The following SLC66A3 variants were observed in gnomAD, a reference collection of about 807,000 sequenced individuals.
The protein encoded by SLC66A3 is PQ loop repeat containing 3.
Under a neutral mutation model 25.5 loss-of-function variants are expected in SLC66A3, and 23 were observed. The ratio of observed to expected loss-of-function variants is 0.90; its 90% CI spans 0.65 to 1.28. The LOEUF (loss-of-function observed/expected upper bound fraction) is 1.28, where lower values mean the gene tolerates loss of function less well. Ranked by LOEUF, SLC66A3 falls within the 50% of genes most tolerant of loss-of-function variation. The pLI, the probability that SLC66A3 is intolerant of heterozygous loss-of-function variation, is 0.00. For synonymous variants in SLC66A3, 108 were observed against 112.6 expected, an observed-to-expected ratio of 0.96 and a Z score of 0.26; for missense variants, 246 against 262.1, an observed-to-expected ratio of 0.94 and a Z score of 0.42.
chr2:11,157,880 T>C (rs914300334), intron 1 of SLC66A3, among the ~76,000 whole-genome samples: 11 of 152,146 alleles, frequency 7.2e-5, no homozygotes, highest in African/African-American at 2.7e-4. Context: ...TCTGCTGGGC[T>C]CTGCCTCCCT....
At chr2:11,170,045 A>G (rs1417406155) in intron 4 of SLC66A3, among the ~76,000 whole-genome samples, 1 of 151,742 alleles carries the variant, frequency 6.6e-6, no homozygotes, top group Non-Finnish European at 1.5e-5. Flanking sequence ...CACCATGTTG[A>G]CCAGGACGGT....
At position 11,177,893 on chromosome 2, in the gene SLC66A3, T is replaced by C. The variant is rs1662821525; in HGVS notation, c.*65T>C. 4.0e-6 allele frequency: 4 copies of C among 992,314 alleles called. No homozygotes were observed. In the South Asian group the frequency reaches 5.7e-5, roughly 14 times the overall value. The allele number at this position is 992,314 out of a possible 1,614,324, so 61.5% of individuals were successfully genotyped here. ...TGAACCAAAGGAAAAAGAAGCTCTT[T>C]GCTAAATTAAGGTCTTTTATAAATT... On this transcript the variant is annotated 3_prime_UTR_variant, in exon 7 of 7. Transcript: ENST00000295083.
chr2:11,160,165 C>T (rs1003139418), intron 1 of SLC66A3: 8 of 457,796 alleles, frequency 1.7e-5, no homozygotes, highest in Non-Finnish European at 2.8e-5. Flanking sequence ...GTCTCATATT[C>T]TTGCTCAGGG....
intron 4 of SLC66A3, among the ~76,000 whole-genome samples, chr2:11,165,687 C>T (rs1009822675): frequency 9.2e-5 from 14 of 152,182 alleles, no homozygotes; most frequent in Non-Finnish European, 8.8e-5. Context: ...CAGGTTGTAG[C>T]GAGCCGAGAT....
Position 11,177,754 on chromosome 2 carries a change from A to G in SLC66A3, c.535A>G (p.Ile179Val). 3 of 1,609,530 alleles carry G rather than the reference A, an allele frequency of 1.9e-6. No homozygotes were observed. Among genetic ancestry groups the G allele is most frequent in the Non-Finnish European group, 2.5e-6 (3 of 1,177,716 alleles). ...TATTTCAGTTCTTCTACGTTTTGTG[A>G]TCATGCTGGCTTTAAATATATGGGT... is the stretch of plus-strand genomic sequence containing the variant. ...NDFTILLRFV[I>V]MLALNIWVTV... Residue 179 changes from isoleucine (I) to valine (V), a missense_variant, in exon 7 of 7, where the codon ATC becomes GTC. By Grantham distance (29) the Ile-to-Val change is conservative. Coordinates refer to ENST00000295083, the MANE Select transcript of SLC66A3 (RefSeq NM_152391.5).
At position 11,160,792 on chromosome 2, in the gene SLC66A3, T is replaced by C. The variant is rs566660562; in HGVS notation, c.296+98T>C. The C allele has an allele frequency of 4.2e-4, 638 of 1,504,256 alleles. 5 individuals are homozygous for C. In the South Asian group the frequency reaches 6.9e-3, roughly 16 times the overall value. The allele number at this position is 1,504,256 out of a possible 1,614,324, so 93.2% of individuals were successfully genotyped here. ...GCTCCTTTACCAGATGTGTATTTTT[T>C]GGTTAAACTAAAAAAAAAAAAAAAA... is the stretch of plus-strand genomic sequence containing the variant. On this transcript the variant is annotated intron_variant, in intron 3 of 6. Transcript: ENST00000295083.
intron 3 of SLC66A3, 150 bp downstream of exon 3, chr2:11,160,844 G>A (rs891304209): frequency 1.6e-6 from 2 of 1,282,868 alleles, no homozygotes; most frequent in African/African-American, 1.5e-5. Flanking sequence ...ACGTGTCCAT[G>A]TACACCAGAG....
intron 4 of SLC66A3, among the ~76,000 whole-genome samples, chr2:11,165,956 G>A (rs2147992546): frequency 6.6e-6 from 1 of 152,368 alleles, no homozygotes; most frequent in South Asian, 2.1e-4. Context: ...AGTGAGCCGA[G>A]ATGGCGGCAG....
At chr2:11,163,206 A>G (rs1306149781) in intron 3 of SLC66A3, among the ~76,000 whole-genome samples, 1 of 152,168 alleles carries the variant, frequency 6.6e-6, no homozygotes, top group Admixed American at 6.5e-5. Context: ...TTATTTGTGA[A>G]ATCTGGCAAC....
chr2:11,166,605 A>G (rs1349900247), intron 4 of SLC66A3, among the ~76,000 whole-genome samples: 2 of 152,152 alleles, frequency 1.3e-5, no homozygotes, highest in Admixed American at 1.3e-4. Flanking sequence ...AAAATACTGC[A>G]TGGGTCGAGG....
At chr2:11,168,927 G>A (rs112767377) in intron 4 of SLC66A3, among the ~76,000 whole-genome samples, 7,317 of 151,076 alleles carry the variant, frequency 0.048, 571 homozygotes, top group African/African-American at 0.17. Context: ...GTGTGATCTC[G>A]GCTCACTGCA....
intron 3 of SLC66A3, 30 bp from the exon 4 acceptor site, chr2:11,164,174 C>T (rs1408476598): frequency 1.4e-6 from 2 of 1,466,424 alleles, no homozygotes; most frequent in Admixed American, 3.8e-5. Context: ...TGTGGGTGAC[C>T]CACTGCTGTG....
rs1360603357 is a variant in SLC66A3 at position 11,160,804 on chromosome 2, A to T, written c.296+110A>T. On this transcript the variant is annotated intron_variant, in intron 3 of 6. Coordinates refer to ENST00000295083, the MANE Select transcript of SLC66A3 (RefSeq NM_152391.5). The stretch of plus-strand genomic sequence containing the variant: ...GATGTGTATTTTTTGGTTAAACTAA[A>T]AAAAAAAAAAAAAAAAATCCCAAAT... The T allele has an allele frequency of 8.3e-4, 167 of 201,554 alleles. No individual in the cohort carries two copies. The African/African-American group carries it at 0.01, about 13-fold the overall frequency. 12.5% of individuals were successfully genotyped at this position (201,554 alleles called of 1,614,324 possible). A position where few individuals can be genotyped will look rare whatever the true frequency, so the allele number is the denominator to read the frequency against.
intron 1 of SLC66A3, among the ~76,000 whole-genome samples, chr2:11,159,790 T>G (rs1185275363): frequency 6.6e-6 from 1 of 151,870 alleles, no homozygotes; most frequent in Non-Finnish European, 1.5e-5. Context: ...GATGGCTGGG[T>G]GTGAGGGGGA....
At chr2:11,174,121 C>T (rs985256500) in intron 5 of SLC66A3, among the ~76,000 whole-genome samples, 2 of 152,054 alleles carry the variant, frequency 1.3e-5, no homozygotes, top group Non-Finnish European at 2.9e-5. Context: ...CCACACCCAG[C>T]TAATTTTTGT....
chr2:11,155,768 C>G (rs1056269339), intron 1 of SLC66A3, 79 bp downstream of exon 1: 1 of 1,253,652 alleles, frequency 8.0e-7, no homozygotes, highest in Non-Finnish European at 1.0e-6. Context: ...AGCCTCGGCT[C>G]GAAGTAGGGC....
At chr2:11,160,594 TC>T in intron 2 of SLC66A3, 30 bp from the exon 3 acceptor site, 6 of 1,613,990 alleles carry the variant, frequency 3.7e-6, no homozygotes, top group Non-Finnish European at 5.1e-6. Context: ...GGTCTCCCCT[TC>T]CCCCCTCACT....
At chr2:11,165,391 C>T (rs1440530624) in intron 4 of SLC66A3, among the ~76,000 whole-genome samples, 11 of 145,420 alleles carry the variant, frequency 7.6e-5, no homozygotes, top group Admixed American at 2.8e-4. Context: ...GGATGGTGGC[C>T]GGGAAGAGGT....
chr2:11,165,286 G>C (rs969922129), intron 4 of SLC66A3, among the ~76,000 whole-genome samples: 1 of 137,494 alleles, frequency 7.3e-6, no homozygotes, highest in African/African-American at 3.0e-5. Context: ...GGGCAGAGGG[G>C]CTCCTCACTT....
Sources: gnomAD v4.1 joint callset for allele counts (sites outside exome capture counted in the v4.1 genomes callset) on GRCh38, gnomAD v4.1.1 for gene constraint, MANE v1.5 for transcripts, NCBI Gene and HGNC (gene_info 2026-07-23, HGNC 2026-07-21) for gene names.